Variants in TRRAP observed in about 807,000 individuals in gnomAD.
The protein encoded by TRRAP is transformation/transcription domain-associated protein.
TRRAP carries 41 observed loss-of-function variants against 438.8 expected under a neutral mutation model. The observed-to-expected ratio is 0.09, with a 90% CI of 0.07 to 0.12. TRRAP has a LOEUF of 0.12. TRRAP is among the 10% of genes least tolerant of loss of function. The pLI is 1.00. For missense variants in TRRAP, 3,122 were observed against 5,055.1 expected, an observed-to-expected ratio of 0.62 and a Z score of 11.60; for synonymous variants, 1,994 against 1,962.9, an observed-to-expected ratio of 1.02 and a Z score of -0.42.
At position 98,993,708 on chromosome 7, in the gene TRRAP, GTCTGGT is replaced by G; in HGVS notation, c.10021_10026del (p.Trp3341_Phe3342del). On this transcript the variant is annotated inframe_deletion, in exon 66 of 73. Coordinates refer to ENST00000456197, the MANE Select transcript of TRRAP (RefSeq NM_001375524.1). The stretch of plus-strand genomic sequence containing the variant: ...CCTGGAAGGCATCGTCGATCAGATG[GTCTGGT>G]TCAGAGAAAATTGGCATGAAGAGGT... 1 of 1,614,250 alleles carries G rather than the reference GTCTGGT, an allele frequency of 6.2e-7. No homozygotes were observed. The highest frequency in any genetic ancestry group is 8.5e-7 in the Non-Finnish European group (1 of 1,180,042).
In TRRAP at chr7:98,994,205, C is replaced by A. The variant is rs1261177942; in HGVS notation, c.10048-382C>A. 6.6e-6 allele frequency among the ~76,000 whole-genome samples: 1 copy of A among 152,210 alleles called. No individual in the cohort carries two copies. Among genetic ancestry groups the A allele is most frequent in the African/African-American group, 2.4e-5 (1 of 41,462 alleles). On this transcript the variant is annotated intron_variant, in intron 66 of 72. Transcript: ENST00000456197. This position sits in a 1 kb window ranked among gnomAD's most constrained non-coding sequence, Gnocchi z 4.8. ...TGCTTACCTGGTTGAGCCCCGGGGC[C>A]AGCTCCTTACTGCTGTGAAGTCTCG...
intron 3 of TRRAP, among the ~76,000 whole-genome samples, chr7:98,883,998 A>G (rs1235284053): frequency 6.6e-6 from 1 of 152,156 alleles, no homozygotes; most frequent in African/African-American, 2.4e-5. Flanking sequence ...TGGATAGCCC[A>G]GGGTCTTTCC....
rs1791189902 is a variant in TRRAP at position 98,948,557 on chromosome 7, GT to G, written c.4669-5del. On this transcript the variant is annotated splice_polypyrimidine_tract_variant and splice_region_variant and intron_variant, in intron 34 of 72. Transcript: ENST00000456197. The surrounding 1 kb of genome is among the most constrained non-coding windows in gnomAD (Gnocchi z 4.9). Reference sequence around the variant, plus strand: ...GTTGTGAGATGCAGCATTCCCACATGTTTTGCAGGCGGGGAGTCCATTCCGA... The same window carrying G: ...GTTGTGAGATGCAGCATTCCCACATGTTTGCAGGCGGGGAGTCCATTCCGA... 1 of 1,614,086 alleles carries G rather than the reference GT, an allele frequency of 6.2e-7. No homozygotes were observed. Among genetic ancestry groups the G allele is most frequent in the Non-Finnish European group, 8.5e-7 (1 of 1,180,050 alleles).
chr7:98,961,924 A>T (rs1216552892), intron 46 of TRRAP, among the ~76,000 whole-genome samples: 1 of 152,210 alleles, frequency 6.6e-6, no homozygotes, highest in African/African-American at 2.4e-5. Flanking sequence ...CCATCTCAAA[A>T]AAAGCATAGA....
chr7:98,904,408 A>T (rs12705015), intron 12 of TRRAP, among the ~76,000 whole-genome samples: 8 of 148,986 alleles, frequency 5.4e-5, no homozygotes, highest in Admixed American at 2.7e-4. Flanking sequence ...GTGTGAACCC[A>T]GGAAGGCAGA....
chr7:98,967,716 A>G lies in TRRAP; in HGVS notation c.7512+18A>G, dbSNP rs777881918. On this transcript the variant is annotated intron_variant, in intron 51 of 72. Coordinates refer to ENST00000456197, the MANE Select transcript of TRRAP (RefSeq NM_001375524.1). ...GCATTGAGGTAGGAAGACTCGGCTC[A>G]CATCTGTGGCCGGGGGCAGCTGTGG... 1 of 1,606,002 alleles carries G rather than the reference A, an allele frequency of 6.2e-7. No individual in the cohort carries two copies. Among genetic ancestry groups the G allele is most frequent in the South Asian group, 1.1e-5 (1 of 90,932 alleles).
Position 99,011,032 on chromosome 7 carries a change from C to A in TRRAP, c.10939-20C>A. ...AAATCAGTGAGTGAGATGGGAGTGTCACGGAGCGCTGTGTTTCAGGTCCTC... is the reference window on the plus strand; with the variant it reads ...AAATCAGTGAGTGAGATGGGAGTGTAACGGAGCGCTGTGTTTCAGGTCCTC... On this transcript the variant is annotated intron_variant, in intron 70 of 72. Coordinates refer to ENST00000456197, the MANE Select transcript of TRRAP (RefSeq NM_001375524.1). This position sits in a 1 kb window ranked among gnomAD's most constrained non-coding sequence, Gnocchi z 7.1. The A allele has an allele frequency of 1.2e-6, 2 of 1,605,432 alleles. No individual in the cohort carries two copies. The highest frequency in any genetic ancestry group is 2.2e-5 in the South Asian group (2 of 90,702).
chr7:98,949,393 C>G, intron 35 of TRRAP, 24 bp from the exon 36 acceptor site: 1 of 1,498,294 alleles, frequency 6.7e-7, no homozygotes, highest in Non-Finnish European at 8.9e-7. Flanking sequence ...CTTAAAACGG[C>G]TTTTCTATTT....
At chr7:98,902,213 G>A (rs782175505) in intron 11 of TRRAP, among the ~76,000 whole-genome samples, 64 of 152,208 alleles carry the variant, frequency 4.2e-4, no homozygotes, top group Non-Finnish European at 7.9e-4. Flanking sequence ...TTTAAAAGGC[G>A]TTATCAGTAA....
At chr7:98,918,728 T>A (rs1789644967) in intron 20 of TRRAP, among the ~76,000 whole-genome samples, 1 of 151,904 alleles carries the variant, frequency 6.6e-6, no homozygotes, top group Admixed American at 6.6e-5. Flanking sequence ...ATAAAGGAGG[T>A]TGTTTTGAAA....
rs781968057 is a variant in TRRAP at position 98,910,045 on chromosome 7, C to T, written c.1351-11C>T. 1 of 1,536,316 alleles carries T rather than the reference C, an allele frequency of 6.5e-7. No homozygotes were observed. The highest frequency in any genetic ancestry group is 8.8e-7 in the Non-Finnish European group (1 of 1,140,514). On this transcript the variant is annotated splice_polypyrimidine_tract_variant and intron_variant, in intron 14 of 72. Coordinates refer to ENST00000456197, the MANE Select transcript of TRRAP (RefSeq NM_001375524.1). ...ATTCTGTCTTCCCTCTTGAATTTCT[C>T]TTCCCGTTAGGTTTTCGTTCTCAAA...
chr7:98,900,238 G>C (rs1554406434), intron 10 of TRRAP, among the ~76,000 whole-genome samples: 2 of 152,052 alleles, frequency 1.3e-5, no homozygotes, highest in Non-Finnish European at 2.9e-5. Flanking sequence ...CTCCTGACTT[G>C]GAGCCCGTCT....
At chr7:98,954,881 A>G (rs1554419164) in intron 40 of TRRAP, among the ~76,000 whole-genome samples, 1 of 152,244 alleles carries the variant, frequency 6.6e-6, no homozygotes, top group African/African-American at 2.4e-5. Context: ...CTAGTTCAGC[A>G]CGGGCACGTA....
At position 98,931,566 on chromosome 7, in the gene TRRAP, T is replaced by A. The variant is rs1790325453; in HGVS notation, c.3753T>A (p.Ser1251=). Residue 1251 remains serine (S), a synonymous_variant, in exon 26 of 73, where the codon TCT becomes TCA. Transcript: ENST00000456197. ...VTHDLVREVT[S]PNSTVRKQAM... ...ACGACTTGGTTCGAGAAGTCACCTCTCCAAACTCCACTGTGAGGAAGCAGG... is the reference window on the plus strand; with the variant it reads ...ACGACTTGGTTCGAGAAGTCACCTCACCAAACTCCACTGTGAGGAAGCAGG... 1 of 1,614,176 alleles carries A rather than the reference T, an allele frequency of 6.2e-7. No individual in the cohort carries two copies. The highest frequency in any genetic ancestry group is 8.5e-7 in the Non-Finnish European group (1 of 1,180,038).
At chr7:98,890,251 C>T in intron 3 of TRRAP, 84 bp from the exon 4 acceptor site, 2 of 853,214 alleles carry the variant, frequency 2.3e-6, no homozygotes, top group Middle Eastern at 2.4e-4. Flanking sequence ...GTTTTATATT[C>T]CTTTGCAGTT....
chr7:98,927,121 C>G (rs1195818309), intron 22 of TRRAP, 46 bp from the exon 23 acceptor site: 2 of 1,605,750 alleles, frequency 1.2e-6, no homozygotes, highest in African/African-American at 2.7e-5. Context: ...GAGTCATCAG[C>G]TCAGGAGTTG....
intron 28 of TRRAP, 21 bp downstream of exon 28, chr7:98,935,696 G>T (rs782541840): frequency 1.9e-6 from 3 of 1,573,918 alleles, no homozygotes; most frequent in Non-Finnish European, 2.6e-6. Context: ...GAAAATCTAC[G>T]GGGTATAAAA....
In TRRAP at chr7:98,910,374, G is replaced by T; in HGVS notation, c.1669G>T (p.Val557Phe). ...RSLVKTLVCG[V>F]KTITWGITSC... Reference sequence around the variant, plus strand: ...TTTGGTCAAAACCTTGGTGTGTGGTGTCAAGACAATCACGTGGGGCATAAC... The same window carrying T: ...TTTGGTCAAAACCTTGGTGTGTGGTTTCAAGACAATCACGTGGGGCATAAC... The change falls in exon 15 of 73, where the codon GTC (valine) becomes TTC (phenylalanine). Residue 557 changes from valine to phenylalanine, a missense_variant. This residue lies in a region of TRRAP where 149 missense variants were observed against 302.8 expected (regional missense o/e 0.49). Transcript: ENST00000456197. The T allele has an allele frequency of 6.2e-7, 1 of 1,609,378 alleles. No individual in the cohort carries two copies. Among genetic ancestry groups the T allele is most frequent in the Non-Finnish European group, 8.5e-7 (1 of 1,178,776 alleles).
intron 31 of TRRAP, 49 bp downstream of exon 31, chr7:98,943,066 T>TCAGTGCTAATGCCGGGA (rs1562952611): frequency 6.9e-6 from 11 of 1,597,974 alleles, no homozygotes; most frequent in Non-Finnish European, 8.6e-6. Flanking sequence ...CCATGCTGGG[T>TCAGTGCTAATGCCGGGA]CAGTGCTAAT....
Sources: allele counts gnomAD v4.1 joint callset (sites outside exome capture counted in the v4.1 genomes callset), GRCh38; gene constraint gnomAD v4.1.1; regional missense constraint gnomAD v4.1.1; non-coding constraint Gnocchi (gnomAD v3.1); transcripts MANE v1.5; gene names NCBI Gene and HGNC (gene_info 2026-07-23, HGNC 2026-07-21).